CACNA2D1: variants seen among roughly 807,000 people sequenced by gnomAD.
The protein encoded by CACNA2D1 is calcium voltage-gated channel auxiliary subunit alpha2delta 1.
A neutral mutation model predicts 171.5 loss-of-function variants in CACNA2D1; 53 were observed. The ratio of observed to expected loss-of-function variants is 0.31; its 90% confidence interval spans 0.25 to 0.39. The LOEUF (loss-of-function observed/expected upper bound fraction) is 0.39, where lower values mean the gene tolerates loss of function less well. CACNA2D1 is among the 10% of genes least tolerant of loss of function. The pLI, the probability that CACNA2D1 is intolerant of heterozygous loss-of-function variation, is 1.00. For missense variants in CACNA2D1, 903 were observed against 1,299.8 expected (o/e 0.69, Z 4.69); for synonymous variants, 442 against 443.1 (o/e 1.00, Z 0.03).
chr7:82,291,538 G>GAT (rs1270072495), intron 3 of CACNA2D1, among the ~76,000 whole-genome samples: 1 of 125,246 alleles, frequency 8.0e-6, no homozygotes, highest in Admixed American at 8.7e-5. Context: ...CTATATATGT[G>GAT]ATATATAGAT....
intron 3 of CACNA2D1, among the ~76,000 whole-genome samples, chr7:82,316,404 A>G (rs1350710445): frequency 1.3e-5 from 2 of 152,136 alleles, no homozygotes; most frequent in African/African-American, 4.8e-5. Context: ...TTTTTTAAAA[A>G]TCAAATATTT....
intron 1 of CACNA2D1, among the ~76,000 whole-genome samples, chr7:82,362,987 G>T (rs1010686857): frequency 6.6e-6 from 1 of 152,068 alleles, no homozygotes; most frequent in African/African-American, 2.4e-5. Flanking sequence ...CAAAAGAAAT[G>T]ATGGTATAAT....
chr7:82,215,613 T>C (rs59665824), intron 3 of CACNA2D1, among the ~76,000 whole-genome samples: 15,782 of 152,120 alleles, frequency 0.1, 1,295 homozygotes, highest in African/African-American at 0.23. Flanking sequence ...TTTATAACTA[T>C]TTTTTAAATT....
chr7:82,364,972 T>C (rs1402739717), intron 1 of CACNA2D1, among the ~76,000 whole-genome samples: 1 of 152,118 alleles, frequency 6.6e-6, no homozygotes, highest in Non-Finnish European at 1.5e-5. Flanking sequence ...ACATTCCTGA[T>C]TGACCAATTC....
intron 3 of CACNA2D1, among the ~76,000 whole-genome samples, chr7:82,213,479 A>T (rs532425379): frequency 2.0e-5 from 3 of 152,124 alleles, no homozygotes; most frequent in Non-Finnish European, 4.4e-5. Flanking sequence ...TACTTCTATA[A>T]GGCTGTACTT....
At chr7:82,142,675 T>C (rs1373262153) in intron 4 of CACNA2D1, among the ~76,000 whole-genome samples, 3 of 152,210 alleles carry the variant, frequency 2.0e-5, no homozygotes, top group Non-Finnish European at 2.9e-5. Context: ...CTGCACATGA[T>C]TCACAGCCTG....
In CACNA2D1 at chr7:82,171,952, T is replaced by A. The variant is rs532580867; in HGVS notation, c.295-1343A>T. Among the ~76,000 whole-genome samples, 10 of 151,952 alleles carry A rather than the reference T, an allele frequency of 6.6e-5. 1 individual carries two copies. The South Asian group carries it at 2.1e-3, about 31-fold the overall frequency. On this transcript the variant is annotated intron_variant, in intron 3 of 38. Transcript: ENST00000356860. ...CTGGATAAACATCCTTCTAGACCAG[T>A]TTTTATATTAATGTATTGGCTTCTA... is the stretch of plus-strand genomic sequence containing the variant.
intron 20 of CACNA2D1, among the ~76,000 whole-genome samples, chr7:81,994,116 T>C (rs984056901): frequency 2.0e-5 from 3 of 152,022 alleles, no homozygotes; most frequent in Admixed American, 2.0e-4. Flanking sequence ...AATGATGAGA[T>C]TGTGAGGAAA....
chr7:82,415,294 G>A (rs536262400), intron 1 of CACNA2D1, among the ~76,000 whole-genome samples: 1 of 152,248 alleles, frequency 6.6e-6, no homozygotes, highest in African/African-American at 2.4e-5. Flanking sequence ...AGCACTTTGG[G>A]AGGCCGAGAT....
intron 1 of CACNA2D1, among the ~76,000 whole-genome samples, chr7:82,380,630 T>C (rs1240409144): frequency 2.0e-5 from 3 of 152,042 alleles, no homozygotes; most frequent in Admixed American, 6.6e-5. Flanking sequence ...TAATTAAAAT[T>C]TCACAAAATT....
intron 10 of CACNA2D1, among the ~76,000 whole-genome samples, chr7:82,056,064 T>C (rs1002878002): frequency 1.4e-4 from 13 of 95,410 alleles, no homozygotes; most frequent in Non-Finnish European, 2.6e-4. Context: ...CCTTGAAAAG[T>C]ACAGTCTCTA....
Position 82,352,602 on chromosome 7 carries a change from T to C in CACNA2D1, c.96-2953A>G, listed in dbSNP as rs141639183. ...CTAAAAGATGGAGATGCAGGCTGGG[T>C]TTAAAAATGGGTCTGGGAGGAAGAG... On this transcript the variant is annotated intron_variant, in intron 1 of 38. Coordinates refer to ENST00000356860, the MANE Select transcript of CACNA2D1 (RefSeq NM_000722.4). 7.0e-3 allele frequency among the ~76,000 whole-genome samples: 1,070 copies of C among 152,136 alleles called. 15 individuals are homozygous for C. Among genetic ancestry groups the C allele is most frequent in the African/African-American group, 0.025 (1,030 of 41,496 alleles).
At chr7:82,420,960 A>T (rs1188645224) in intron 1 of CACNA2D1, among the ~76,000 whole-genome samples, 1 of 152,128 alleles carries the variant, frequency 6.6e-6, no homozygotes. Flanking sequence ...TATTCTTCTT[A>T]TCCTAATGTT....
At chr7:82,031,728 T>G (rs553374897) in intron 12 of CACNA2D1, among the ~76,000 whole-genome samples, 1 of 152,078 alleles carries the variant, frequency 6.6e-6, no homozygotes, top group African/African-American at 2.4e-5. Flanking sequence ...ATTCACAATA[T>G]TTTGTCACCA....
chr7:82,053,109 G>C (rs967112184), intron 10 of CACNA2D1, among the ~76,000 whole-genome samples: 1 of 151,990 alleles, frequency 6.6e-6, no homozygotes, highest in Non-Finnish European at 1.5e-5. Context: ...AAAAGTAGCC[G>C]GGCGTGGTGG....
At chr7:82,123,333 G>A (rs1789960914) in intron 5 of CACNA2D1, among the ~76,000 whole-genome samples, 1 of 152,114 alleles carries the variant, frequency 6.6e-6, no homozygotes, top group Non-Finnish European at 1.5e-5. Context: ...GATCAGATCA[G>A]CAGAAACTTA....
rs571002575 is a variant in CACNA2D1, at chr7:82,235,566, C to T, written c.295-64957G>A. ...TACCAAGGAAGCAAAATGTTGATAA[C>T]AGTAATAATAAATGCTGGAATAACA... On this transcript the variant is annotated intron_variant, in intron 3 of 38. Coordinates refer to ENST00000356860, the MANE Select transcript of CACNA2D1 (RefSeq NM_000722.4). Among the ~76,000 whole-genome samples, 3 of 152,204 alleles carry T rather than the reference C, an allele frequency of 2.0e-5. No individual in the cohort carries two copies. In the East Asian group the frequency reaches 5.8e-4, roughly 29 times the overall value.
At chr7:82,242,014 A>C (rs1804363620) in intron 3 of CACNA2D1, among the ~76,000 whole-genome samples, 1 of 152,080 alleles carries the variant, frequency 6.6e-6, no homozygotes, top group African/African-American at 2.4e-5. Context: ...ATCATTCTCC[A>C]ATAAACTTCC....
At chr7:82,341,543 T>C (rs1390176459) in intron 2 of CACNA2D1, among the ~76,000 whole-genome samples, 1 of 152,196 alleles carries the variant, frequency 6.6e-6, no homozygotes, top group African/African-American at 2.4e-5. Context: ...TTCCCTTTGA[T>C]TAAAATAATA....
Sources: allele counts gnomAD v4.1 joint callset (sites outside exome capture counted in the v4.1 genomes callset), GRCh38; gene constraint gnomAD v4.1.1; transcripts MANE v1.5; gene names NCBI Gene and HGNC (gene_info 2026-07-23, HGNC 2026-07-21).